The following NFIC variants were observed in gnomAD, a reference collection of about 807,000 sequenced individuals.
NFIC encodes the protein nuclear factor I C.
A neutral mutation model predicts 54.4 loss-of-function variants in NFIC; 12 were observed. The ratio of observed to expected loss-of-function variants is 0.22; its 90% CI spans 0.14 to 0.36. NFIC has a LOEUF of 0.36. NFIC is among the 10% of genes least tolerant of loss of function. The pLI, the probability that NFIC is intolerant of heterozygous loss-of-function variation, is 1.00. For synonymous variants in NFIC, 322 were observed against 319.2 expected, an observed-to-expected ratio of 1.01 and a Z score of -0.09; for missense variants, 575 against 718.2, an observed-to-expected ratio of 0.80 and a Z score of 2.28.
chr19:3,462,890 T>C lies in NFIC; in HGVS notation c.*121T>C, dbSNP rs1028343535. 3.8e-6 allele frequency: 6 copies of C among 1,566,848 alleles called. No individual in the cohort carries two copies. In the African/African-American group the frequency reaches 8.2e-5, roughly 22 times the overall value. On this transcript the variant is annotated 3_prime_UTR_variant, in exon 11 of 11. Coordinates refer to ENST00000443272, the MANE Select transcript of NFIC (RefSeq NM_001245002.2). ...AGTGAACAAGAACACCCCTGCCGAC[T>C]CCCAGCCCGGCCAAAAAGACAAAAC...
chr19:3,382,905 C>T (rs2081236763), intron 2 of NFIC, among the ~76,000 whole-genome samples: 1 of 151,754 alleles, frequency 6.6e-6, no homozygotes, highest in Admixed American at 6.6e-5. Flanking sequence ...GCAGGCCTAG[C>T]AGAGGTCTCA....
chr19:3,428,836 G>C (rs7507204), intron 3 of NFIC, among the ~76,000 whole-genome samples: 31,518 of 151,796 alleles, frequency 0.21, 4,162 homozygotes, highest in East Asian at 0.61. Flanking sequence ...CGGAGGGGGC[G>C]TGCTGACACC....
intron 2 of NFIC, among the ~76,000 whole-genome samples, chr19:3,394,708 C>T (rs1420634254): frequency 1.3e-5 from 2 of 151,844 alleles, no homozygotes; most frequent in Non-Finnish European, 2.9e-5. Flanking sequence ...GGCCACTCAG[C>T]AGGAGTTGAG....
Position 3,452,431 on chromosome 19 carries a change from G to A in NFIC, c.1085-51G>A. Reference sequence around the variant, plus strand: ...AGACACACAGTCACACGGTCACAGAGCAGACCGGCTGGAGCCCCCAAGTAA... The same window carrying A: ...AGACACACAGTCACACGGTCACAGAACAGACCGGCTGGAGCCCCCAAGTAA... On this transcript the variant is annotated intron_variant, in intron 7 of 10. Transcript: ENST00000443272. The surrounding 1 kb of genome is among the most constrained non-coding windows in gnomAD (Gnocchi z 5.3). 1 of 1,597,360 alleles carries A rather than the reference G, an allele frequency of 6.3e-7. No individual in the cohort carries two copies. Among genetic ancestry groups the A allele is most frequent in the South Asian group, 1.1e-5 (1 of 90,564 alleles).
intron 1 of NFIC, among the ~76,000 whole-genome samples, chr19:3,361,251 G>C (rs575687169): frequency 6.6e-6 from 1 of 152,290 alleles, no homozygotes; most frequent in Non-Finnish European, 1.5e-5. Context: ...GGGCGGGGCG[G>C]CAGGGGTTCC....
intron 2 of NFIC, among the ~76,000 whole-genome samples, chr19:3,416,826 A>AT (rs922012091): frequency 2.8e-5 from 4 of 143,738 alleles, no homozygotes; most frequent in East Asian, 2.1e-4. Context: ...CCCATCCTAC[A>AT]TTTTTTTAAA....
intron 2 of NFIC, among the ~76,000 whole-genome samples, chr19:3,410,069 C>A (rs1338009846): frequency 6.6e-6 from 1 of 151,084 alleles, no homozygotes; most frequent in African/African-American, 2.4e-5. Context: ...GAGACGGAGT[C>A]TCGCTCCTTT....
intron 1 of NFIC, among the ~76,000 whole-genome samples, 174 bp downstream of exon 1, chr19:3,366,840 G>A (rs922801825): frequency 6.6e-6 from 1 of 151,784 alleles, no homozygotes; most frequent in African/African-American, 2.4e-5. Flanking sequence ...GGTCAGGCTG[G>A]GGTACCCCCC....
In NFIC at chr19:3,452,473, T is replaced by C. The variant is rs754957251; in HGVS notation, c.1085-9T>C. The C allele has an allele frequency of 1.9e-6, 3 of 1,610,264 alleles. No individual in the cohort carries two copies. Among genetic ancestry groups the C allele is most frequent in the Non-Finnish European group, 2.5e-6 (3 of 1,179,924 alleles). ...CCCAAGTAACCCCCGCTTCCCACTG[T>C]CTCCGCAGGGATCGCCCGGAGCCCA... On this transcript the variant is annotated splice_polypyrimidine_tract_variant and intron_variant, in intron 7 of 10. Coordinates refer to ENST00000443272, the MANE Select transcript of NFIC (RefSeq NM_001245002.2). This position sits in a 1 kb window ranked among gnomAD's most constrained non-coding sequence, Gnocchi z 5.3.
chr19:3,405,898 C>T (rs980036601), intron 2 of NFIC, among the ~76,000 whole-genome samples: 8 of 148,850 alleles, frequency 5.4e-5, no homozygotes, highest in South Asian at 2.1e-4. Context: ...CCACCGCGCC[C>T]GGCCCCTTTT....
At chr19:3,396,383 A>G (rs1426095472) in intron 2 of NFIC, among the ~76,000 whole-genome samples, 1 of 151,420 alleles carries the variant, frequency 6.6e-6, no homozygotes, top group African/African-American at 2.4e-5. Context: ...GAGAGAGGAG[A>G]ATGGTGTGGA....
In NFIC at chr19:3,465,946, C is replaced by T. The variant is rs1386718414; in HGVS notation, c.*3177C>T. 1 of 152,318 alleles carries T rather than the reference C, an allele frequency of 6.6e-6. No individual in the cohort carries two copies. The highest frequency in any genetic ancestry group is 1.9e-4 in the East Asian group (1 of 5,186). 9.4% of individuals were successfully genotyped at this position (152,318 alleles called of 1,614,324 possible). ...CTCTTTTCCCCTATCCAGAGACCAC[C>T]CCAGGTGGCATTCTCTCCCACCTTC... On this transcript the variant is annotated 3_prime_UTR_variant, in exon 11 of 11. Coordinates refer to ENST00000443272, the MANE Select transcript of NFIC (RefSeq NM_001245002.2).
chr19:3,416,073 G>A (rs1435220021), intron 2 of NFIC, among the ~76,000 whole-genome samples: 2 of 150,946 alleles, frequency 1.3e-5, no homozygotes, highest in South Asian at 2.1e-4. Flanking sequence ...GAAGGCAAGA[G>A]AATCACTTGA....
rs947096888 is a variant in NFIC, at chr19:3,369,650, C to T, written c.30+2984C>T. Reference sequence around the variant, plus strand: ...CTCAGCGGTGACTCAAGCGCTTTTTCACTTTTACTCTTAAGAGGAACTGTG... The same window carrying T: ...CTCAGCGGTGACTCAAGCGCTTTTTTACTTTTACTCTTAAGAGGAACTGTG... On this transcript the variant is annotated intron_variant, in intron 1 of 10. Transcript: ENST00000443272. The surrounding 1 kb of genome is among the most constrained non-coding windows in gnomAD (Gnocchi z 4.3). Among the ~76,000 whole-genome samples the T allele has an allele frequency of 1.3e-5, 2 of 151,906 alleles. No individual in the cohort carries two copies. Among genetic ancestry groups the T allele is most frequent in the Non-Finnish European group, 2.9e-5 (2 of 67,944 alleles).
rs1180288945 is a variant in NFIC, at chr19:3,370,956, G to A, written c.30+4290G>A. The stretch of plus-strand genomic sequence containing the variant: ...GTTCACATCCATGAGCACACGCTGG[G>A]CGCACACGCGTGCACACTCCCTGAC... On this transcript the variant is annotated intron_variant, in intron 1 of 10. Transcript: ENST00000443272. This position sits in a 1 kb window ranked among gnomAD's most constrained non-coding sequence, Gnocchi z 5.2. Among the ~76,000 whole-genome samples the A allele has an allele frequency of 1.3e-5, 2 of 152,186 alleles. No homozygotes were observed. The highest frequency in any genetic ancestry group is 3.9e-4 in the East Asian group (2 of 5,188).
At chr19:3,400,833 C>G (rs962943980) in intron 2 of NFIC, among the ~76,000 whole-genome samples, 1 of 152,152 alleles carries the variant, frequency 6.6e-6, no homozygotes, top group African/African-American at 2.4e-5. Context: ...CAGAGCGAGA[C>G]TCCGTCTCAA....
At position 3,434,918 on chromosome 19, in the gene NFIC, G is replaced by A. The variant is rs1029829546; in HGVS notation, c.834-165G>A. On this transcript the variant is annotated intron_variant, in intron 5 of 10. Transcript: ENST00000443272. ...CCAAGCAATGGACAGGTTGGAACAG[G>A]CGTTCGTAGGGAACGGGCTGAACGC... is the stretch of plus-strand genomic sequence containing the variant. 7 of 899,300 alleles carry A rather than the reference G, an allele frequency of 7.8e-6. No homozygotes were observed. The African/African-American group carries it at 1.0e-4, about 13-fold the overall frequency. 55.7% of individuals were successfully genotyped at this position (899,300 alleles called of 1,614,324 possible). A position where few individuals can be genotyped will look rare whatever the true frequency, so the allele number is the denominator to read the frequency against.
At chr19:3,380,471 G>A (rs933597670) in intron 1 of NFIC, among the ~76,000 whole-genome samples, 1 of 151,456 alleles carries the variant, frequency 6.6e-6, no homozygotes, top group Non-Finnish European at 1.5e-5. Context: ...GATTACAGGT[G>A]TGCTCCAATA....
chr19:3,404,873 G>C (rs888687193), intron 2 of NFIC, among the ~76,000 whole-genome samples: 21 of 152,178 alleles, frequency 1.4e-4, no homozygotes. Flanking sequence ...CCCACAAAGA[G>C]TGACACCGGG....
Sources: allele counts gnomAD v4.1 joint callset (sites outside exome capture counted in the v4.1 genomes callset), GRCh38; gene constraint gnomAD v4.1.1; non-coding constraint Gnocchi (gnomAD v3.1); transcripts MANE v1.5; gene names NCBI Gene and HGNC (gene_info 2026-07-23, HGNC 2026-07-21).